Variants in PRIM2 observed in about 807,000 individuals in gnomAD.
PRIM2 encodes the protein DNA primase large subunit.
A neutral mutation model predicts 67.3 loss-of-function variants in PRIM2; 39 were observed. The ratio of observed to expected loss-of-function variants is 0.58; its 90% CI spans 0.45 to 0.76. PRIM2 has a LOEUF of 0.76. Ranked by LOEUF, PRIM2 falls within the 30% of genes least tolerant of loss-of-function variation. The pLI is 0.00. For missense variants in PRIM2, 398 were observed against 598.7 expected, an observed-to-expected ratio of 0.66 and a Z score of 3.50; for synonymous variants, 143 against 198.7, an observed-to-expected ratio of 0.72 and a Z score of 2.36.
At chr6:57,390,519 T>C (rs1187872681) in intron 7 of PRIM2, among the ~76,000 whole-genome samples, 5 of 152,202 alleles carry the variant, frequency 3.3e-5, no homozygotes, top group African/African-American at 1.2e-4. Flanking sequence ...ATAGTTACCT[T>C]TTCTGCTCCT....
intron 7 of PRIM2, among the ~76,000 whole-genome samples, chr6:57,456,605 C>T (rs554241594): frequency 5.3e-5 from 8 of 152,122 alleles, no homozygotes; most frequent in Non-Finnish European, 1.0e-4. Flanking sequence ...GCATTCGTCA[C>T]GTAGTTCTCG....
intron 5 of PRIM2, among the ~76,000 whole-genome samples, chr6:57,372,543 A>G (rs1205865161): frequency 2.0e-5 from 3 of 152,146 alleles, no homozygotes; most frequent in Non-Finnish European, 2.9e-5. Context: ...CTGTATTTCA[A>G]CTTTCATATA....
chr6:57,254,334 T>A, the PRIM2 span, among the ~76,000 whole-genome samples: 2 of 152,192 alleles, frequency 1.3e-5, no homozygotes, highest in Non-Finnish European at 2.9e-5. Context: ...TGGCAACAAG[T>A]CCACTGTTTC....
At chr6:57,221,741 G>C in the PRIM2 span, 1 of 152,440 alleles carries the variant, frequency 6.6e-6, no homozygotes. Flanking sequence ...GGAGCTGGGA[G>C]GGGGCGCCGG....
the PRIM2 span, among the ~76,000 whole-genome samples, chr6:57,238,274 C>T: frequency 2.6e-5 from 4 of 152,194 alleles, no homozygotes; most frequent in Non-Finnish European, 2.9e-5. Context: ...TTCTCAGCAC[C>T]ACATCACACT....
intron 11 of PRIM2, among the ~76,000 whole-genome samples, chr6:57,603,545 G>A (rs1406221853): frequency 1.3e-5 from 2 of 151,724 alleles, no homozygotes; most frequent in African/African-American, 4.8e-5. Context: ...TCTATGTGTC[G>A]GTTTTTGTAC....
chr6:57,525,962 T>C (rs1368426953), intron 8 of PRIM2, among the ~76,000 whole-genome samples: 2 of 152,172 alleles, frequency 1.3e-5, no homozygotes, highest in East Asian at 3.8e-4. Flanking sequence ...TTGTTTGTTT[T>C]AGTAATTAGA....
At chr6:57,432,779 A>G (rs1771878361) in intron 7 of PRIM2, among the ~76,000 whole-genome samples, 2 of 152,220 alleles carry the variant, frequency 1.3e-5, no homozygotes, top group Non-Finnish European at 2.9e-5. Context: ...TGTCATCTAC[A>G]TAGCAGGCAG....
chr6:57,368,611 A>G (rs1247829616), intron 5 of PRIM2, among the ~76,000 whole-genome samples: 2 of 152,210 alleles, frequency 1.3e-5, no homozygotes, highest in Admixed American at 6.5e-5. Flanking sequence ...ATAATACAAC[A>G]TATATTTTTA....
the PRIM2 span, among the ~76,000 whole-genome samples, chr6:57,257,683 TC>T: frequency 6.6e-6 from 1 of 152,192 alleles, no homozygotes; most frequent in Non-Finnish European, 1.5e-5. Context: ...ACCTAGCTCC[TC>T]CCTTTTCTAA....
At chr6:57,480,638 C>T (rs1398937873) in intron 7 of PRIM2, among the ~76,000 whole-genome samples, 3 of 152,046 alleles carry the variant, frequency 2.0e-5, no homozygotes, top group Non-Finnish European at 4.4e-5. Context: ...TTCTTTTCTT[C>T]TTCCTTTTTG....
chr6:57,312,149 C>G (rs115336776), upstream of PRIM2, among the ~76,000 whole-genome samples: 1,673 of 151,976 alleles, frequency 0.011, 36 homozygotes, highest in African/African-American at 0.039. Context: ...ATTTTATCAT[C>G]TCGCAATTTG....
At chr6:57,400,720 C>T (rs575599366) in intron 7 of PRIM2, among the ~76,000 whole-genome samples, 13 of 152,264 alleles carry the variant, frequency 8.5e-5, no homozygotes, top group East Asian at 1.9e-4. Context: ...TTTTCCCCTT[C>T]GCTTTCAGGG....
the PRIM2 span, among the ~76,000 whole-genome samples, chr6:57,246,783 G>T: frequency 1.2e-4 from 19 of 152,198 alleles, no homozygotes; most frequent in East Asian, 7.7e-4. Flanking sequence ...TCTCTCACCT[G>T]CCAGTTTCTG....
At chr6:57,351,795 A>G (rs1289435938) in intron 5 of PRIM2, among the ~76,000 whole-genome samples, 1 of 152,114 alleles carries the variant, frequency 6.6e-6, no homozygotes, top group Non-Finnish European at 1.5e-5. Context: ...TATAATCACA[A>G]TATCACAGAA....
At chr6:57,301,569 A>G in the PRIM2 span, among the ~76,000 whole-genome samples, 1 of 152,154 alleles carries the variant, frequency 6.6e-6, no homozygotes, top group Non-Finnish European at 1.5e-5. Flanking sequence ...TGGGAGGCCA[A>G]GGCAGGCGGA....
the PRIM2 span, among the ~76,000 whole-genome samples, chr6:57,307,529 C>A: frequency 4.2e-3 from 642 of 152,086 alleles, 4 homozygotes; most frequent in African/African-American, 0.014. Context: ...TGAGCCACTG[C>A]GCCTGGCCAA....
chr6:57,347,694 T>C (rs1190256617), intron 5 of PRIM2, among the ~76,000 whole-genome samples: 1 of 152,200 alleles, frequency 6.6e-6, no homozygotes. Context: ...TCCTTGCAAC[T>C]TGGCCTCCCA....
chr6:57,453,774 T>G (rs2127392104), intron 7 of PRIM2, among the ~76,000 whole-genome samples: 1 of 152,308 alleles, frequency 6.6e-6, no homozygotes, highest in South Asian at 2.1e-4. Flanking sequence ...TGAATACCCT[T>G]TATTTCCTTC....
Sources: gnomAD v4.1 joint callset for allele counts (sites outside exome capture counted in the v4.1 genomes callset) on GRCh38, gnomAD v4.1.1 for gene constraint, MANE v1.5 for transcripts, NCBI Gene and HGNC (gene_info 2026-07-23, HGNC 2026-07-21) for gene names.